ANO2: variants seen among roughly 807,000 people sequenced by gnomAD.
ANO2 encodes the protein anoctamin-2.
ANO2 carries 101 observed loss-of-function variants against 124.2 expected under a neutral mutation model. The ratio of observed to expected loss-of-function variants is 0.81; its 90% CI spans 0.69 to 0.96. The LOEUF (loss-of-function observed/expected upper bound fraction) is 0.96, where lower values mean the gene tolerates loss of function less well. Ranked by LOEUF, ANO2 falls within the 40% of genes least tolerant of loss-of-function variation. The pLI, the probability that ANO2 is intolerant of heterozygous loss-of-function variation, is 0.00. For synonymous variants in ANO2, 486 were observed against 482.5 expected, an observed-to-expected ratio of 1.01 and a Z score of -0.09; for missense variants, 1,293 against 1,274.5, an observed-to-expected ratio of 1.01 and a Z score of -0.22.
chr12:5,626,915 G>GCTC (rs1376940618), intron 16 of ANO2, among the ~76,000 whole-genome samples: 3 of 152,172 alleles, frequency 2.0e-5, no homozygotes, highest in Admixed American at 6.5e-5. Flanking sequence ...TAGTCCCTGG[G>GCTC]CTCCTAGAAA....
intron 13 of ANO2, chr12:5,733,070 C>T (rs554933696): frequency 1.5e-6 from 1 of 655,064 alleles, no homozygotes; most frequent in Admixed American, 2.4e-5. Flanking sequence ...ACAGATGTGC[C>T]CCACAGCTGG....
chr12:5,590,985 G>A (rs1943367629), intron 20 of ANO2, among the ~76,000 whole-genome samples: 1 of 152,094 alleles, frequency 6.6e-6, no homozygotes, highest in South Asian at 2.1e-4. Context: ...TCAGGAGTTC[G>A]AGACCTGGTC....
chr12:5,933,487 T>A (rs1333001880), intron 1 of ANO2, among the ~76,000 whole-genome samples: 1 of 152,106 alleles, frequency 6.6e-6, no homozygotes, highest in Non-Finnish European at 1.5e-5. Context: ...AGGAGAAGGA[T>A]GGATAAATGG....
intron 14 of ANO2, among the ~76,000 whole-genome samples, chr12:5,723,051 T>G (rs1950296154): frequency 6.6e-6 from 1 of 152,256 alleles, no homozygotes; most frequent in Non-Finnish European, 1.5e-5. Flanking sequence ...GTGGGTACAC[T>G]GTGGATGAGC....
At position 5,908,879 on chromosome 12, in the gene ANO2, C is replaced by T. The variant is rs7314675; in HGVS notation, c.534+12161G>A. On this transcript the variant is annotated intron_variant, in intron 3 of 24. Transcript: ENST00000682330. This position sits in a 1 kb window ranked among gnomAD's most constrained non-coding sequence, Gnocchi z 4.7. ...GGTGCACCATTGCTTGTATTGGTGC[C>T]TGAATGTAAACAGGAGCATTATCTC... Among the ~76,000 whole-genome samples the T allele has an allele frequency of 0.075, 11,458 of 152,168 alleles. 842 individuals are homozygous for T. Among genetic ancestry groups the T allele is most frequent in the African/African-American group, 0.19 (7,845 of 41,466 alleles).
intron 14 of ANO2, among the ~76,000 whole-genome samples, chr12:5,667,304 G>A (rs1406732950): frequency 2.1e-5 from 3 of 142,444 alleles, no homozygotes; most frequent in Non-Finnish European, 3.1e-5. Context: ...ACACTTCACA[G>A]TTGGTTAGCT....
intron 10 of ANO2, among the ~76,000 whole-genome samples, chr12:5,759,712 A>AT (rs1281730411): frequency 3.3e-5 from 5 of 151,402 alleles, no homozygotes; most frequent in Non-Finnish European, 1.5e-5. Context: ...CTGTGGAAAA[A>AT]TTATCTTCCA....
chr12:5,940,714 A>C (rs942752919), intron 1 of ANO2, among the ~76,000 whole-genome samples: 2 of 152,254 alleles, frequency 1.3e-5, no homozygotes, highest in Non-Finnish European at 2.9e-5. Flanking sequence ...TAGTCTGACA[A>C]TCAAAGTTAA....
intron 10 of ANO2, among the ~76,000 whole-genome samples, chr12:5,780,435 A>G (rs970051576): frequency 4.6e-5 from 7 of 152,212 alleles, no homozygotes; most frequent in Non-Finnish European, 1.0e-4. Flanking sequence ...TATTTTTTAC[A>G]GTAGTCATTT....
intron 3 of ANO2, among the ~76,000 whole-genome samples, chr12:5,855,933 T>C (rs900743856): frequency 1.7e-4 from 26 of 152,164 alleles, no homozygotes; most frequent in African/African-American, 6.3e-4. Flanking sequence ...AGCCCTAAAA[T>C]GAAACCTTCC....
At chr12:5,711,070 A>ATG (rs1368197001) in intron 14 of ANO2, among the ~76,000 whole-genome samples, 1 of 151,768 alleles carries the variant, frequency 6.6e-6, no homozygotes, top group African/African-American at 2.4e-5. Flanking sequence ...AGGCAGGAGA[A>ATG]TGGCATGAAC....
intron 4 of ANO2, among the ~76,000 whole-genome samples, chr12:5,846,218 G>A (rs1379481384): frequency 6.6e-6 from 1 of 152,162 alleles, no homozygotes; most frequent in African/African-American, 2.4e-5. Flanking sequence ...TTCTTGACAT[G>A]AGCCACATTG....
rs769233593 is a variant in ANO2, at chr12:5,916,491, T to TAAAAAAAAAAAAAAA, written c.534+4548_534+4549insTTTTTTTTTTTTTTT. ...CTCTGAATAGAAAAATCGCAGCAGG[T>TAAAAAAAAAAAAAAA]TAAAAAAAAAAAAAAAAAAAAAGGC... On this transcript the variant is annotated intron_variant, in intron 3 of 24. Transcript: ENST00000682330. Among the ~76,000 whole-genome samples the TAAAAAAAAAAAAAAA allele has an allele frequency of 3.1e-4, 30 of 98,120 alleles. 3 individuals carry two copies. The highest frequency in any genetic ancestry group is 8.0e-4 in the South Asian group (2 of 2,498). 64.4% of individuals were successfully genotyped at this position (98,120 alleles called of 152,430 possible).
chr12:5,688,887 G>A (rs78604036), intron 14 of ANO2, among the ~76,000 whole-genome samples: 2,831 of 151,104 alleles, frequency 0.019, 94 homozygotes, highest in African/African-American at 0.063. Context: ...AACACAGGAG[G>A]ATCAGCACAC....
At chr12:5,805,951 TAA>T in intron 9 of ANO2, 99 bp downstream of exon 9, 1 of 1,172,876 alleles carries the variant, frequency 8.5e-7, no homozygotes, top group Non-Finnish European at 1.2e-6. Flanking sequence ...GGAAAGTAGA[TAA>T]GCAGGTAAAG....
intron 7 of ANO2, among the ~76,000 whole-genome samples, chr12:5,813,482 A>G (rs1442814672): frequency 6.6e-6 from 1 of 152,230 alleles, no homozygotes; most frequent in Non-Finnish European, 1.5e-5. Flanking sequence ...CTGGACAGCC[A>G]GGGTTTTAGC....
chr12:5,728,980 T>G (rs1950539884), intron 14 of ANO2, among the ~76,000 whole-genome samples: 1 of 152,144 alleles, frequency 6.6e-6, no homozygotes, highest in African/African-American at 2.4e-5. Context: ...TACACAAAAA[T>G]TAACTCAAAA....
At chr12:5,626,580 C>A (rs1420636381) in intron 16 of ANO2, among the ~76,000 whole-genome samples, 1 of 152,138 alleles carries the variant, frequency 6.6e-6, no homozygotes, top group Non-Finnish European at 1.5e-5. Flanking sequence ...CCATGTTTAA[C>A]TTCGGATGTT....
Position 5,635,428 on chromosome 12 carries a change from T to G in ANO2, c.1621-81A>C. ...TATTTGCTCTGCCAACAGTACCATT[T>G]GCTGTTATCAGATATTATTAATCTG... is the stretch of plus-strand genomic sequence containing the variant. On this transcript the variant is annotated intron_variant, in intron 15 of 24. Coordinates refer to ENST00000682330, the MANE Select transcript of ANO2 (RefSeq NM_001364791.2). The surrounding 1 kb of genome is among the most constrained non-coding windows in gnomAD (Gnocchi z 5.2). The G allele has an allele frequency of 9.1e-7, 1 of 1,103,182 alleles. No homozygotes were observed. The highest frequency in any genetic ancestry group is 1.2e-6 in the Non-Finnish European group (1 of 818,430). The allele number at this position is 1,103,182 out of a possible 1,614,324, so 68.3% of individuals were successfully genotyped here.
Sources: allele counts gnomAD v4.1 joint callset (sites outside exome capture counted in the v4.1 genomes callset), GRCh38; gene constraint gnomAD v4.1.1; non-coding constraint Gnocchi (gnomAD v3.1); transcripts MANE v1.5; gene names NCBI Gene and HGNC (gene_info 2026-07-23, HGNC 2026-07-21).